The following PPP2R2B variants were observed in gnomAD, a reference collection of about 807,000 sequenced individuals.
The protein encoded by PPP2R2B is serine/threonine-protein phosphatase 2A 55 kDa regulatory subunit B beta isoform.
PPP2R2B carries 5 observed loss-of-function variants against 46.0 expected under a neutral mutation model. The observed-to-expected ratio is 0.11, with a 90% confidence interval of 0.06 to 0.23. The LOEUF (loss-of-function observed/expected upper bound fraction) is 0.23. PPP2R2B is among the 10% of genes least tolerant of loss of function. The pLI is 1.00. For synonymous variants in PPP2R2B, 215 were observed against 206.7 expected (o/e 1.04, Z -0.34); for missense variants, 367 against 575.0 (o/e 0.64, Z 3.70).
intron 7 of PPP2R2B, among the ~76,000 whole-genome samples, chr5:146,615,935 T>A (rs965572919): frequency 5.3e-5 from 8 of 152,270 alleles, no homozygotes; most frequent in Admixed American, 3.9e-4. Flanking sequence ...TAGCCAAGGC[T>A]ATCTTAAGCA....
chr5:146,765,203 C>T (rs183771059), intron 2 of PPP2R2B, among the ~76,000 whole-genome samples: 134 of 152,262 alleles, frequency 8.8e-4, no homozygotes, highest in African/African-American at 3.2e-3. Context: ...CTATATTTCA[C>T]ATTCATACAT....
intron 1 of PPP2R2B, among the ~76,000 whole-genome samples, chr5:147,043,228 G>C (rs903559461): frequency 6.6e-6 from 1 of 151,908 alleles, no homozygotes; most frequent in African/African-American, 2.4e-5. Context: ...TGGGAGGGAG[G>C]TGCTATGGAC....
At chr5:146,869,605 G>A (rs1582316058) in intron 2 of PPP2R2B, among the ~76,000 whole-genome samples, 1 of 152,196 alleles carries the variant, frequency 6.6e-6, no homozygotes. Flanking sequence ...ATATTTAAAT[G>A]TATGAATAGA....
intron 1 of PPP2R2B, among the ~76,000 whole-genome samples, chr5:147,001,742 C>A (rs749687671): frequency 6.6e-6 from 1 of 152,162 alleles, no homozygotes; most frequent in Non-Finnish European, 1.5e-5. Flanking sequence ...AAATAACAGG[C>A]ACTTGTTGGC....
At chr5:146,691,306 G>C in intron 4 of PPP2R2B, 66 bp from the exon 5 acceptor site, 1 of 1,291,722 alleles carries the variant, frequency 7.7e-7, no homozygotes, top group Non-Finnish European at 1.1e-6. Flanking sequence ...GAGTTTTCCT[G>C]GGGGCAATGG....
chr5:146,774,961 C>A (rs1180683233), intron 2 of PPP2R2B, among the ~76,000 whole-genome samples: 1 of 152,058 alleles, frequency 6.6e-6, no homozygotes, highest in African/African-American at 2.4e-5. Context: ...TCCAAGTAGA[C>A]CTGTATCAAG....
At chr5:146,981,997 C>A (rs1753200029) in intron 1 of PPP2R2B, among the ~76,000 whole-genome samples, 1 of 152,114 alleles carries the variant, frequency 6.6e-6, no homozygotes, top group Non-Finnish European at 1.5e-5. Context: ...ATTTTTTGTT[C>A]CTACTTCCAA....
intron 2 of PPP2R2B, among the ~76,000 whole-genome samples, chr5:146,847,104 C>G (rs1760054931): frequency 6.6e-6 from 1 of 152,098 alleles, no homozygotes; most frequent in East Asian, 1.9e-4. Flanking sequence ...ATCATCTAGG[C>G]CACCGTAATC....
At chr5:146,898,030 C>A (rs1050335644) in intron 1 of PPP2R2B, among the ~76,000 whole-genome samples, 3 of 152,004 alleles carry the variant, frequency 2.0e-5, no homozygotes, top group Non-Finnish European at 4.4e-5. Context: ...ACTAAAAGTA[C>A]AAAAATTAGC....
chr5:146,871,162 C>G (rs1014085744), intron 2 of PPP2R2B, among the ~76,000 whole-genome samples: 1 of 152,186 alleles, frequency 6.6e-6, no homozygotes, highest in Non-Finnish European at 1.5e-5. Flanking sequence ...AAAGCAAAAT[C>G]GTCTTCTTAT....
intron 1 of PPP2R2B, among the ~76,000 whole-genome samples, chr5:146,979,575 AC>A: frequency 6.6e-6 from 1 of 151,654 alleles, no homozygotes; most frequent in Non-Finnish European, 1.5e-5. Flanking sequence ...ACACACACAC[AC>A]ACACACACAC....
At chr5:146,963,916 G>A (rs1007798946) in intron 1 of PPP2R2B, among the ~76,000 whole-genome samples, 4 of 152,170 alleles carry the variant, frequency 2.6e-5, no homozygotes, top group African/African-American at 9.7e-5. Flanking sequence ...GTAACAGCTT[G>A]ACCTTTCAGG....
chr5:146,588,896 G>A lies in PPP2R2B; in HGVS notation c.*1051C>T, dbSNP rs1198119660. Reference sequence around the variant, plus strand: ...TATTTTTGTTCTAGGTACAATGGAGGTTGATGGATTGTTACTTTTGGTTAC... The same window carrying A: ...TATTTTTGTTCTAGGTACAATGGAGATTGATGGATTGTTACTTTTGGTTAC... On this transcript the variant is annotated 3_prime_UTR_variant, in exon 10 of 10. Coordinates refer to ENST00000394411, the MANE Select transcript of PPP2R2B (RefSeq NM_181675.4). 1 of 152,154 alleles carries A rather than the reference G, an allele frequency of 6.6e-6. No homozygotes were observed. Among genetic ancestry groups the A allele is most frequent in the African/African-American group, 2.4e-5 (1 of 41,414 alleles). The allele number at this position is 152,154 out of a possible 1,614,324, so 9.4% of individuals were successfully genotyped here. A position where few individuals can be genotyped will look rare whatever the true frequency, so the allele number is the denominator to read the frequency against.
At chr5:147,017,876 C>A (rs1392786294) in intron 1 of PPP2R2B, among the ~76,000 whole-genome samples, 1 of 151,964 alleles carries the variant, frequency 6.6e-6, no homozygotes. Context: ...TCTATCCTAA[C>A]AAAATTAAGG....
At chr5:147,001,707 T>C (rs539663583) in intron 1 of PPP2R2B, among the ~76,000 whole-genome samples, 2 of 152,298 alleles carry the variant, frequency 1.3e-5, no homozygotes, top group East Asian at 3.9e-4. Flanking sequence ...TATTCTGTCC[T>C]ATTTTTCCTT....
chr5:146,847,861 C>T (rs192780841), intron 2 of PPP2R2B, among the ~76,000 whole-genome samples: 1 of 152,278 alleles, frequency 6.6e-6, no homozygotes, highest in East Asian at 1.9e-4. Flanking sequence ...TTTAGTAAAT[C>T]ACCCAGCCCC....
intron 1 of PPP2R2B, among the ~76,000 whole-genome samples, chr5:146,979,192 G>T (rs1753050227): frequency 6.6e-6 from 1 of 152,012 alleles, no homozygotes. Flanking sequence ...ATTTCTCTCA[G>T]TTAACTGCAT....
At chr5:146,979,199 G>T (rs1260121811) in intron 1 of PPP2R2B, among the ~76,000 whole-genome samples, 1 of 152,024 alleles carries the variant, frequency 6.6e-6, no homozygotes, top group Non-Finnish European at 1.5e-5. Context: ...TCAGTTAACT[G>T]CATGGCTTGC....
At position 146,588,724 on chromosome 5, in the gene PPP2R2B, A is replaced by ACTT. The variant is rs1370416669; in HGVS notation, c.*1220_*1222dup. ...AACCATCTTCCACAGCTTCAAGTGG[A>ACTT]CTTCATTCACTTCATGTCACAGCTG... On this transcript the variant is annotated 3_prime_UTR_variant, in exon 10 of 10. Coordinates refer to ENST00000394411, the MANE Select transcript of PPP2R2B (RefSeq NM_181675.4). 6.6e-6 allele frequency: 1 copy of ACTT among 152,142 alleles called. No individual in the cohort carries two copies. Among genetic ancestry groups the ACTT allele is most frequent in the Non-Finnish European group, 1.5e-5 (1 of 68,034 alleles). 9.4% of individuals were successfully genotyped at this position (152,142 alleles called of 1,614,324 possible). A position where few individuals can be genotyped will look rare whatever the true frequency, so the allele number is the denominator to read the frequency against.
Sources: allele counts gnomAD v4.1 joint callset (sites outside exome capture counted in the v4.1 genomes callset), GRCh38; gene constraint gnomAD v4.1.1; transcripts MANE v1.5; gene names NCBI Gene and HGNC (gene_info 2026-07-23, HGNC 2026-07-21).